The following TMEM272 variants were observed in gnomAD, a reference collection of about 807,000 sequenced individuals.
TMEM272 encodes transmembrane protein 272, also known as long intergenic non-protein coding RNA 282.
A neutral mutation model predicts 3.7 loss-of-function variants in TMEM272; 8 were observed. That is an observed-to-expected ratio of 2.17 (90% CI 1.27 to 3.91). The LOEUF is 3.91. TMEM272 is among the 30% of genes most tolerant of loss of function. The pLI, the probability that TMEM272 is intolerant of heterozygous loss-of-function variation, is 0.00. For synonymous variants in TMEM272, 63 were observed against 39.8 expected (o/e 1.58, Z -2.20); for missense variants, 166 against 91.5 (o/e 1.81, Z -3.32).
At chr13:51,932,977 G>C in the TMEM272 span, 37 of 152,240 alleles carry the variant, frequency 2.4e-4, no homozygotes, top group African/African-American at 8.4e-4. Context: ...CTGGAGTGGG[G>C]GGGCTGAAAA....
At chr13:51,904,863 C>T in the TMEM272 span, among the ~76,000 whole-genome samples, 1 of 152,116 alleles carries the variant, frequency 6.6e-6, no homozygotes, top group African/African-American at 2.4e-5. Context: ...GGCTGAAAAC[C>T]TTGAATTTTA....
At chr13:51,916,259 C>T in the TMEM272 span, among the ~76,000 whole-genome samples, 4 of 152,094 alleles carry the variant, frequency 2.6e-5, no homozygotes, top group African/African-American at 2.4e-5. Context: ...CCTTCCTGTG[C>T]ATTACAGAAG....
At chr13:51,869,461 T>C in the TMEM272 span, among the ~76,000 whole-genome samples, 1 of 147,752 alleles carries the variant, frequency 6.8e-6, no homozygotes, top group South Asian at 2.1e-4. Context: ...CCAGTCACTT[T>C]AAGTTAAAAA....
chr13:51,910,577 G>A, the TMEM272 span: 4 of 671,386 alleles, frequency 6.0e-6, no homozygotes, highest in Non-Finnish European at 1.1e-5. Context: ...GCAACTGCAG[G>A]ACCAGCCCCA....
intron 2 of TMEM272, among the ~76,000 whole-genome samples, chr13:51,835,916 T>C (rs1438536463): frequency 6.6e-6 from 1 of 152,226 alleles, no homozygotes; most frequent in Non-Finnish European, 1.5e-5. Context: ...TCGCAGCTTC[T>C]TAAATTTACA....
the TMEM272 span, among the ~76,000 whole-genome samples, chr13:51,900,590 T>G: frequency 6.6e-6 from 1 of 152,158 alleles, no homozygotes; most frequent in South Asian, 2.1e-4. Flanking sequence ...CATAATAGCC[T>G]AGCAATTCCA....
chr13:51,872,049 CTT>C, the TMEM272 span, among the ~76,000 whole-genome samples: 2 of 152,300 alleles, frequency 1.3e-5, no homozygotes, highest in Non-Finnish European at 2.9e-5. Context: ...TCGCTCCTCT[CTT>C]AAATATGAGC....
At chr13:51,857,269 T>C in the TMEM272 span, among the ~76,000 whole-genome samples, 9 of 151,758 alleles carry the variant, frequency 5.9e-5, no homozygotes, top group Non-Finnish European at 1.0e-4. Context: ...GTAAAAGTAT[T>C]TTCAACAAAT....
At chr13:51,832,880 C>T (rs979454693) in intron 2 of TMEM272, among the ~76,000 whole-genome samples, 4 of 152,222 alleles carry the variant, frequency 2.6e-5, no homozygotes, top group Non-Finnish European at 4.4e-5. Context: ...TGAGAAGCCT[C>T]GGCAATGCGG....
chr13:51,909,262 C>A, the TMEM272 span: 1 of 1,085,322 alleles, frequency 9.2e-7, no homozygotes, highest in South Asian at 1.2e-5. Context: ...GCTTTTTTCT[C>A]ATGGTATATA....
the TMEM272 span, among the ~76,000 whole-genome samples, chr13:51,915,014 A>G: frequency 6.6e-6 from 1 of 152,244 alleles, no homozygotes; most frequent in Non-Finnish European, 1.5e-5. Context: ...ATACAAAATT[A>G]GGTACAAAAG....
the TMEM272 span, chr13:51,862,288 A>G: frequency 3.3e-5 from 5 of 152,192 alleles, no homozygotes; most frequent in African/African-American, 9.7e-5. Context: ...GGTAATATAT[A>G]ATATTTTCCT....
At chr13:51,900,033 A>G in the TMEM272 span, among the ~76,000 whole-genome samples, 13 of 152,344 alleles carry the variant, frequency 8.5e-5, no homozygotes, top group South Asian at 2.7e-3. Context: ...GCAAGAGTTA[A>G]AACTATGGAA....
chr13:51,919,728 G>A, the TMEM272 span, among the ~76,000 whole-genome samples: 332 of 152,286 alleles, frequency 2.2e-3, no homozygotes, highest in African/African-American at 7.1e-3. Context: ...CCGAGCAAAC[G>A]GTGCCATGGT....
At chr13:51,933,933 G>A in the TMEM272 span, 1 of 152,368 alleles carries the variant, frequency 6.6e-6, no homozygotes, top group South Asian at 2.1e-4. Flanking sequence ...TCTCAGGTCA[G>A]GCTCTGAGGC....
At chr13:51,847,843 C>T (rs2139598707), upstream of TMEM272, among the ~76,000 whole-genome samples, 1 of 152,284 alleles carries the variant, frequency 6.6e-6, no homozygotes, top group East Asian at 1.9e-4. Context: ...ATGAGGCAGT[C>T]TTCCTGGGAG....
At chr13:51,848,621 G>A (rs545203517), upstream of TMEM272, among the ~76,000 whole-genome samples, 1 of 152,298 alleles carries the variant, frequency 6.6e-6, no homozygotes, top group East Asian at 1.9e-4. Context: ...AGAGTAGTGA[G>A]TGAATGAGCA....
rs767223590 is a variant in TMEM272 at position 51,815,292 on chromosome 13, C to T, written c.*1459G>A. Reference sequence around the variant, plus strand: ...AAAAAAAGGGCTGTTCTTCCTTTGTCCAGCAGATGGCACACCAAGCACTTT... The same window carrying T: ...AAAAAAAGGGCTGTTCTTCCTTTGTTCAGCAGATGGCACACCAAGCACTTT... On this transcript the variant is annotated 3_prime_UTR_variant, in exon 5 of 5. Coordinates refer to ENST00000629372, the MANE Select transcript of TMEM272 (RefSeq NM_001351003.2). 1 of 152,692 alleles carries T rather than the reference C, an allele frequency of 6.5e-6. No individual in the cohort carries two copies. The highest frequency in any genetic ancestry group is 2.4e-5 in the African/African-American group (1 of 41,444). The allele number at this position is 152,692 out of a possible 1,614,324, so 9.5% of individuals were successfully genotyped here. A position where few individuals can be genotyped will look rare whatever the true frequency, so the allele number is the denominator to read the frequency against.
At chr13:51,867,866 G>T in the TMEM272 span, among the ~76,000 whole-genome samples, 2 of 152,158 alleles carry the variant, frequency 1.3e-5, no homozygotes, top group Non-Finnish European at 2.9e-5. Context: ...GACGGTGTGG[G>T]CCATTGGATG....
Sources: allele counts gnomAD v4.1 joint callset (sites outside exome capture counted in the v4.1 genomes callset), GRCh38; gene constraint gnomAD v4.1.1; transcripts MANE v1.5; gene names NCBI Gene and HGNC (gene_info 2026-07-23, HGNC 2026-07-21).